Variants in HDAC4 observed in about 807,000 individuals in gnomAD.
HDAC4 encodes the protein histone deacetylase A.
In HDAC4, 16 loss-of-function variants were observed where a neutral mutation model predicts 135.1. The observed-to-expected ratio is 0.12, with a 90% CI of 0.08 to 0.18. The LOEUF is 0.18. Among genes scored for constraint, HDAC4 ranks in the 10% least tolerant of loss-of-function variants. HDAC4 has a pLI of 1.00. For synonymous variants in HDAC4, 685 were observed against 653.4 expected (o/e 1.05, Z -0.74); for missense variants, 1,143 against 1,511.8 (o/e 0.76, Z 4.05).
intron 16 of HDAC4, among the ~76,000 whole-genome samples, chr2:239,095,900 C>A (rs2036980744): frequency 6.6e-6 from 1 of 152,198 alleles, no homozygotes; most frequent in Non-Finnish European, 1.5e-5. Context: ...AGCCCCCGGC[C>A]CCTTCCTGGG....
At chr2:239,373,072 T>C (rs1162118984) in intron 1 of HDAC4, among the ~76,000 whole-genome samples, 3 of 152,166 alleles carry the variant, frequency 2.0e-5, no homozygotes, top group Non-Finnish European at 4.4e-5. Context: ...GCAAAGAGCC[T>C]CACGTCCTGG....
rs368081201 is a variant in HDAC4 at position 239,103,987 on chromosome 2, G to C, written c.2113-1091C>G. Reference sequence around the variant, plus strand: ...GATGCTCTGCGGGTTCTCTTCTCATGAACAACAATTCCACAAAACCGGGCT... The same window carrying C: ...GATGCTCTGCGGGTTCTCTTCTCATCAACAACAATTCCACAAAACCGGGCT... On this transcript the variant is annotated intron_variant, in intron 15 of 26. Coordinates refer to ENST00000543185, the MANE Select transcript of HDAC4 (RefSeq NM_001378414.1). 1.1e-4 allele frequency among the ~76,000 whole-genome samples: 16 copies of C among 151,266 alleles called. No homozygotes were observed. The East Asian group carries it at 2.4e-3, about 23-fold the overall frequency.
At chr2:239,117,231 C>A (rs2039218683) in intron 12 of HDAC4, among the ~76,000 whole-genome samples, 1 of 152,136 alleles carries the variant, frequency 6.6e-6, no homozygotes, top group African/African-American at 2.4e-5. Context: ...CGAGGTGGGG[C>A]TGTGGGAAGG....
chr2:239,123,702 T>C (rs963036263), intron 12 of HDAC4, among the ~76,000 whole-genome samples: 2 of 152,072 alleles, frequency 1.3e-5, no homozygotes, highest in Admixed American at 6.5e-5. Flanking sequence ...GCTGGAACTG[T>C]GGGGCTTGAG....
At chr2:239,197,734 C>G (rs1199425538) in intron 3 of HDAC4, among the ~76,000 whole-genome samples, 2 of 152,136 alleles carry the variant, frequency 1.3e-5, no homozygotes, top group East Asian at 3.8e-4. Flanking sequence ...CAGCCATTTT[C>G]AGAGGACAAT....
intron 2 of HDAC4, among the ~76,000 whole-genome samples, chr2:239,314,784 T>C (rs537730961): frequency 6.6e-6 from 1 of 152,154 alleles, no homozygotes; most frequent in South Asian, 2.1e-4. Flanking sequence ...GAGGAAGATA[T>C]GCTAACACAC....
chr2:239,221,491 TAA>T (rs2046951209), intron 3 of HDAC4, among the ~76,000 whole-genome samples: 1 of 152,202 alleles, frequency 6.6e-6, no homozygotes, highest in South Asian at 2.1e-4. Flanking sequence ...CCCCAGGGGT[TAA>T]GAGTGGCCAG....
At chr2:239,157,275 G>A (rs1046227953) in intron 6 of HDAC4, among the ~76,000 whole-genome samples, 19 of 152,230 alleles carry the variant, frequency 1.2e-4, no homozygotes, top group African/African-American at 2.2e-4. Context: ...CTGGAGAGAA[G>A]AAGCCCATGG....
chr2:239,070,509 G>A (rs1017732531), intron 22 of HDAC4, among the ~76,000 whole-genome samples: 12 of 152,230 alleles, frequency 7.9e-5, no homozygotes, highest in African/African-American at 2.2e-4. Flanking sequence ...CGTGAGTAGG[G>A]AAGTTCAGCA....
Position 239,264,665 on chromosome 2 carries a change from G to T in HDAC4, c.23-28001C>A, listed in dbSNP as rs148118622. Among the ~76,000 whole-genome samples the T allele has an allele frequency of 1.5e-3, 233 of 152,322 alleles. 1 individual carries two copies. The highest frequency in any genetic ancestry group is 5.3e-3 in the African/African-American group (219 of 41,582). On this transcript the variant is annotated intron_variant, in intron 2 of 26. Coordinates refer to ENST00000543185, the MANE Select transcript of HDAC4 (RefSeq NM_001378414.1). ...TGAGGAAGCTGATGCAACAGTCGAA[G>T]AATAGATCAGCCTTCCTGGGTAGAA...
At chr2:239,176,220 A>C (rs1241340415) in intron 5 of HDAC4, among the ~76,000 whole-genome samples, 193 bp downstream of exon 5, 131 of 43,220 alleles carry the variant, frequency 3.0e-3, no homozygotes, top group Admixed American at 4.8e-3. Context: ...CTGCGCCCGC[A>C]CTCCCTCCCT....
intron 22 of HDAC4, among the ~76,000 whole-genome samples, chr2:239,076,185 G>C (rs2034739756): frequency 6.6e-6 from 1 of 151,402 alleles, no homozygotes; most frequent in Non-Finnish European, 1.5e-5. Flanking sequence ...GAACAGAGCT[G>C]GGTTGGGTTG....
intron 12 of HDAC4, among the ~76,000 whole-genome samples, chr2:239,117,117 T>C (rs2039207665): frequency 6.6e-6 from 1 of 151,988 alleles, no homozygotes; most frequent in Non-Finnish European, 1.5e-5. Context: ...TGGGGCAAAG[T>C]GGAACAGGGT....
chr2:239,085,281 T>C (rs1425894453), intron 19 of HDAC4, among the ~76,000 whole-genome samples: 1 of 152,174 alleles, frequency 6.6e-6, no homozygotes, highest in Non-Finnish European at 1.5e-5. Context: ...AGAGTCTTAC[T>C]CAAGAGACCA....
intron 2 of HDAC4, among the ~76,000 whole-genome samples, chr2:239,247,358 T>C (rs865868328): frequency 5.9e-5 from 9 of 152,218 alleles, no homozygotes; most frequent in African/African-American, 2.2e-4. Flanking sequence ...GAGGCAGTCC[T>C]GCAGGGTTTG....
chr2:239,183,908 T>C (rs2044315817), intron 4 of HDAC4, among the ~76,000 whole-genome samples: 1 of 109,908 alleles, frequency 9.1e-6, no homozygotes, highest in Non-Finnish European at 2.2e-5. Context: ...GCCAGAAAAC[T>C]AGGTTCCTTT....
Position 239,068,373 on chromosome 2 carries a change from T to C in HDAC4, c.2869+116A>G, listed in dbSNP as rs541120650. 1.0e-5 allele frequency: 8 copies of C among 763,730 alleles called. No homozygotes were observed. The Admixed American group carries it at 1.5e-4, about 15-fold the overall frequency. 47.3% of individuals were successfully genotyped at this position (763,730 alleles called of 1,614,324 possible). On this transcript the variant is annotated intron_variant, in intron 23 of 26. Transcript: ENST00000543185. The surrounding 1 kb of genome is among the most constrained non-coding windows in gnomAD (Gnocchi z 4.4). ...CCAGTACGGTCAGAACCTTGGTCAT[T>C]AGTAAAAAGGTGCCCTTCCTTATCT...
chr2:239,304,134 T>C (rs1400206249), intron 2 of HDAC4, among the ~76,000 whole-genome samples: 1 of 152,228 alleles, frequency 6.6e-6, no homozygotes, highest in Non-Finnish European at 1.5e-5. Context: ...GTCAGCTTTC[T>C]TACCTATAAA....
rs565281598 is a variant in HDAC4, at chr2:239,237,592, A to C, written c.23-928T>G. Reference sequence around the variant, plus strand: ...GTCAAATGACTGCAAAAAAAAAAAAACCCATTTTTTTATCCAAAATAGATA... The same window carrying C: ...GTCAAATGACTGCAAAAAAAAAAAACCCCATTTTTTTATCCAAAATAGATA... On this transcript the variant is annotated intron_variant, in intron 2 of 26. Coordinates refer to ENST00000543185, the MANE Select transcript of HDAC4 (RefSeq NM_001378414.1). Among the ~76,000 whole-genome samples the C allele has an allele frequency of 1.6e-3, 235 of 151,316 alleles. 1 individual carries two copies. Among genetic ancestry groups the C allele is most frequent in the African/African-American group, 5.6e-3 (228 of 40,936 alleles).
Sources: gnomAD v4.1 joint callset for allele counts (sites outside exome capture counted in the v4.1 genomes callset) on GRCh38, gnomAD v4.1.1 for gene constraint, Gnocchi (gnomAD v3.1) non-coding constraint, MANE v1.5 for transcripts, NCBI Gene and HGNC (gene_info 2026-07-23, HGNC 2026-07-21) for gene names.